Variants in ACOT11 observed in about 807,000 individuals in gnomAD.
The protein encoded by ACOT11 is acyl-CoA thioesterase 11.
Under a neutral mutation model 77.5 loss-of-function variants are expected in ACOT11, and 69 were observed. That is an observed-to-expected ratio of 0.89 (90% CI 0.73 to 1.09). The LOEUF is 1.09. Ranked by LOEUF, ACOT11 falls within the 50% of genes least tolerant of loss-of-function variation. The pLI, the probability that ACOT11 is intolerant of heterozygous loss-of-function variation, is 0.00. For missense variants in ACOT11, 766 were observed against 813.7 expected (o/e 0.94, Z 0.71); for synonymous variants, 279 against 313.0 (o/e 0.89, Z 1.15).
intron 5 of ACOT11, 22 bp downstream of exon 5, chr1:54,594,061 C>G (rs1244369368): frequency 1.2e-6 from 2 of 1,605,672 alleles, no homozygotes; most frequent in African/African-American, 2.7e-5. Flanking sequence ...CGCCTGGCTG[C>G]TGGAACGCTG....
intron 1 of ACOT11, 110 bp downstream of exon 1, chr1:54,548,452 C>A (rs559396004): frequency 7.5e-7 from 1 of 1,338,936 alleles, no homozygotes; most frequent in South Asian, 1.4e-5. Flanking sequence ...ACACTCTCCA[C>A]GGGCCATTTT....
At chr1:54,623,943 C>T (rs1441228664) in intron 15 of ACOT11, among the ~76,000 whole-genome samples, 1 of 152,234 alleles carries the variant, frequency 6.6e-6, no homozygotes, top group Non-Finnish European at 1.5e-5. Flanking sequence ...CAGATTAGAT[C>T]TGCGTAAGGG....
At chr1:54,636,242 T>A (rs1644329810) in exon 17 of ACOT11, 1 of 152,050 alleles carries the variant, frequency 6.6e-6, no homozygotes, top group African/African-American at 2.4e-5. Flanking sequence ...GGACCAGCAT[T>A]CAGCATACAG....
At chr1:54,574,945 C>T (rs1318364435) in intron 1 of ACOT11, among the ~76,000 whole-genome samples, 4 of 152,240 alleles carry the variant, frequency 2.6e-5, no homozygotes, top group African/African-American at 9.7e-5. Context: ...CTTTCATCCA[C>T]ATGCAGCAAT....
downstream of ACOT11, chr1:54,614,810 G>A (rs1644154180): frequency 6.2e-7 from 1 of 1,614,012 alleles, no homozygotes; most frequent in African/African-American, 1.3e-5. Context: ...GCCGCAGGAG[G>A]TCCAGGGAGG....
intron 11 of ACOT11, 150 bp from the exon 12 acceptor site, chr1:54,604,196 C>T: frequency 2.8e-6 from 2 of 724,508 alleles, no homozygotes; most frequent in Admixed American, 2.4e-5. Context: ...TTCTCAACGC[C>T]CAGGACTCTT....
At position 54,596,152 on chromosome 1, in the gene ACOT11, A is replaced by G. The variant is rs553134146; in HGVS notation, c.608-1107A>G. ...GGCTGGCCACTCAGCTTCACTGGGT[A>G]CTGTCTCTTGACCTGCTGCAGCTCC... On this transcript the variant is annotated intron_variant, in intron 6 of 15. Coordinates refer to ENST00000343744, the MANE Select transcript of ACOT11 (RefSeq NM_147161.4). 1.9e-3 allele frequency among the ~76,000 whole-genome samples: 294 copies of G among 152,118 alleles called. 14 individuals are homozygous for G. The South Asian group carries it at 0.059, about 31-fold the overall frequency.
At chr1:54,580,833 G>A (rs2100974106) in intron 1 of ACOT11, among the ~76,000 whole-genome samples, 1 of 152,344 alleles carries the variant, frequency 6.6e-6, no homozygotes. Flanking sequence ...AGAGATGCAG[G>A]ATGAGGAAGA....
rs1458319253 is a variant in ACOT11 at position 54,586,316 on chromosome 1, C to T, written c.311+412C>T. Among the ~76,000 whole-genome samples the T allele has an allele frequency of 2.4e-5, 3 of 123,390 alleles. 1 individual carries two copies. Among genetic ancestry groups the T allele is most frequent in the East Asian group, 4.1e-4 (2 of 4,928 alleles). 80.9% of individuals were successfully genotyped at this position (123,390 alleles called of 152,430 possible). ...TTGGTCATTGGGCTGTAGGGAGGCC[C>T]CCTAGACAAGGTGCCTTGGCAAAGT... On this transcript the variant is annotated intron_variant, in intron 3 of 15. Coordinates refer to ENST00000343744, the MANE Select transcript of ACOT11 (RefSeq NM_147161.4).
chr1:54,562,691 G>A (rs1653577233), intron 1 of ACOT11, among the ~76,000 whole-genome samples: 12 of 94,916 alleles, frequency 1.3e-4, no homozygotes, highest in Non-Finnish European at 2.4e-4. Context: ...CTTCTCAGAC[G>A]GGGCGGCCGG....
intron 1 of ACOT11, among the ~76,000 whole-genome samples, chr1:54,560,882 C>A (rs1479561439): frequency 6.6e-6 from 1 of 152,200 alleles, no homozygotes; most frequent in African/African-American, 2.4e-5. Context: ...CCACCATGCC[C>A]GGCTAATTGT....
exon 17 of ACOT11, chr1:54,634,821 G>A (rs1177275438): frequency 1.5e-6 from 1 of 656,814 alleles, no homozygotes; most frequent in Non-Finnish European, 2.7e-6. Flanking sequence ...ACGCTGAGGA[G>A]GACTCCAACT....
At chr1:54,611,430 T>C (rs1191055308), downstream of ACOT11, among the ~76,000 whole-genome samples, 1 of 151,908 alleles carries the variant, frequency 6.6e-6, no homozygotes, top group Admixed American at 6.6e-5. Context: ...ATAAAATGGA[T>C]GTTTGAAGCT....
At chr1:54,591,724 A>C (rs529574600) in intron 3 of ACOT11, among the ~76,000 whole-genome samples, 15 of 152,186 alleles carry the variant, frequency 9.9e-5, no homozygotes, top group Non-Finnish European at 2.2e-4. Flanking sequence ...GGATGTGGGA[A>C]TCATTCCAGG....
At position 54,601,127 on chromosome 1, in the gene ACOT11, ATGTGTGTGCATACGTGTG is replaced by A. The variant is rs1557663105; in HGVS notation, c.885-130_885-113del. Reference sequence around the variant, plus strand: ...TATGTGTGTGCATACATGTGTGTGTATGTGTGTGCATACGTGTGTGTGTGTGCATGCATGTGTGTGGGC... The same window carrying A: ...TATGTGTGTGCATACATGTGTGTGTATGTGTGTGCATGCATGTGTGTGGGC... On this transcript the variant is annotated intron_variant, in intron 8 of 15. Transcript: ENST00000343744. 27 of 772,066 alleles carry A rather than the reference ATGTGTGTGCATACGTGTG, an allele frequency of 3.5e-5. No individual in the cohort carries two copies. The African/African-American group carries it at 4.1e-4, about 12-fold the overall frequency. The allele number at this position is 772,066 out of a possible 1,614,324, so 47.8% of individuals were successfully genotyped here.
At chr1:54,625,704 G>A (rs1008131044) in intron 15 of ACOT11, among the ~76,000 whole-genome samples, 2 of 152,132 alleles carry the variant, frequency 1.3e-5, no homozygotes, top group African/African-American at 4.8e-5. Flanking sequence ...TTGGGAGGCT[G>A]AGGTGGGCGG....
chr1:54,622,755 ACGGG>A (rs1261620478), intron 15 of ACOT11, among the ~76,000 whole-genome samples: 2 of 147,660 alleles, frequency 1.4e-5, no homozygotes, highest in African/African-American at 5.0e-5. Flanking sequence ...AAAATAGTTA[ACGGG>A]ACTTTCTGCT....
chr1:54,630,622 A>C (rs1644294108), intron 15 of ACOT11: 1 of 527,972 alleles, frequency 1.9e-6, no homozygotes, highest in African/African-American at 1.9e-5. Flanking sequence ...TTTGCTGTTA[A>C]TAAATACGTG....
chr1:54,608,533 C>T (rs561946766), intron 15 of ACOT11, among the ~76,000 whole-genome samples: 16 of 152,248 alleles, frequency 1.1e-4, no homozygotes, highest in Admixed American at 1.0e-3. Flanking sequence ...TTGAGACTCA[C>T]CCAGCAGAGA....
Sources: gnomAD v4.1 joint callset for allele counts (sites outside exome capture counted in the v4.1 genomes callset) on GRCh38, gnomAD v4.1.1 for gene constraint, MANE v1.5 for transcripts, NCBI Gene and HGNC (gene_info 2026-07-23, HGNC 2026-07-21) for gene names.